Variants in PDZRN4 observed in about 807,000 individuals in gnomAD.
PDZRN4 encodes the protein PDZ domain-containing RING finger protein 4.
In PDZRN4, 70 loss-of-function variants were observed where a neutral mutation model predicts 99.0. That is an observed-to-expected ratio of 0.71 (90% CI 0.58 to 0.86). The LOEUF is 0.86. PDZRN4 is among the 40% of genes least tolerant of loss of function. The probability of loss-of-function intolerance (pLI) is 0.00; values close to 1 mark genes in which losing one functional copy is unlikely to be tolerated. For synonymous variants in PDZRN4, 551 were observed against 501.6 expected, an observed-to-expected ratio of 1.10 and a Z score of -1.32; for missense variants, 1,474 against 1,331.2, an observed-to-expected ratio of 1.11 and a Z score of -1.67.
At chr12:41,281,158 C>T (rs1416631592) in intron 3 of PDZRN4, among the ~76,000 whole-genome samples, 1 of 149,712 alleles carries the variant, frequency 6.7e-6, no homozygotes, top group African/African-American at 2.4e-5. Context: ...AAACAGAAAG[C>T]AGTATCATCA....
At chr12:41,259,520 A>G (rs1014062097) in intron 3 of PDZRN4, among the ~76,000 whole-genome samples, 1 of 152,162 alleles carries the variant, frequency 6.6e-6, no homozygotes, top group Non-Finnish European at 1.5e-5. Flanking sequence ...GTTGGATGAA[A>G]TTAGACTGAG....
intron 3 of PDZRN4, among the ~76,000 whole-genome samples, chr12:41,350,893 A>G (rs1951885456): frequency 6.6e-6 from 1 of 152,122 alleles, no homozygotes; most frequent in African/African-American, 2.4e-5. Flanking sequence ...ACAGCAGTCA[A>G]TACCTCCCTA....
chr12:41,295,911 T>A (rs1951490364), intron 3 of PDZRN4, among the ~76,000 whole-genome samples: 1 of 152,164 alleles, frequency 6.6e-6, no homozygotes, highest in South Asian at 2.1e-4. Context: ...ATAACTTTTT[T>A]TCAAAACAGA....
intron 3 of PDZRN4, among the ~76,000 whole-genome samples, chr12:41,402,166 ATACACACTGAG>A (rs1952296243): frequency 8.6e-6 from 1 of 116,714 alleles, no homozygotes; most frequent in African/African-American, 3.4e-5. Flanking sequence ...ATATATATAT[ATACACACTGAG>A]TATATATATA....
At chr12:41,264,481 T>C (rs568601504) in intron 3 of PDZRN4, among the ~76,000 whole-genome samples, 1 of 152,316 alleles carries the variant, frequency 6.6e-6, no homozygotes, top group South Asian at 2.1e-4. Flanking sequence ...CAATATAATA[T>C]TGCTCTGAAG....
intron 5 of PDZRN4, among the ~76,000 whole-genome samples, chr12:41,514,974 A>G (rs963281830): frequency 1.3e-5 from 2 of 152,110 alleles, no homozygotes; most frequent in Non-Finnish European, 1.5e-5. Flanking sequence ...CATATTTGGT[A>G]TAAATTTGGC....
chr12:41,199,357 A>G (rs1212338615), intron 3 of PDZRN4, among the ~76,000 whole-genome samples: 2 of 152,198 alleles, frequency 1.3e-5, no homozygotes, highest in African/African-American at 4.8e-5. Context: ...TCAAAAAACA[A>G]TAGATGTTGG....
At chr12:41,244,101 T>C (rs576949187) in intron 3 of PDZRN4, among the ~76,000 whole-genome samples, 17 of 152,166 alleles carry the variant, frequency 1.1e-4, no homozygotes, top group Non-Finnish European at 2.2e-4. Flanking sequence ...CTAATAGACA[T>C]CTCAAATTCC....
chr12:41,488,792 A>G (rs748140071), intron 3 of PDZRN4, among the ~76,000 whole-genome samples: 5 of 152,222 alleles, frequency 3.3e-5, no homozygotes, highest in East Asian at 1.9e-4. Flanking sequence ...TCCATGAAAC[A>G]GAGGTGAAGC....
Position 41,415,128 on chromosome 12 carries a change from C to A in PDZRN4, c.844-91328C>A, listed in dbSNP as rs544532516. 5.6e-4 allele frequency among the ~76,000 whole-genome samples: 85 copies of A among 152,098 alleles called. 1 individual carries two copies. The highest frequency in any genetic ancestry group is 4.4e-3 in the South Asian group (21 of 4,818). Reference sequence around the variant, plus strand: ...GATCCTGTTTGTATATTAAAATATACCTCCATTGAGATGAGCCATAGAGAA... The same window carrying A: ...GATCCTGTTTGTATATTAAAATATAACTCCATTGAGATGAGCCATAGAGAA... On this transcript the variant is annotated intron_variant, in intron 3 of 9. Coordinates refer to ENST00000402685, the MANE Select transcript of PDZRN4 (RefSeq NM_001164595.2).
chr12:41,448,307 T>TCCCTTATG (rs953041649), intron 3 of PDZRN4, among the ~76,000 whole-genome samples: 1 of 152,142 alleles, frequency 6.6e-6, no homozygotes, highest in Non-Finnish European at 1.5e-5. Flanking sequence ...CAACACAAAG[T>TCCCTTATG]CCCTTATGCC....
At chr12:41,241,503 A>T (rs191643800) in intron 3 of PDZRN4, among the ~76,000 whole-genome samples, 1 of 147,844 alleles carries the variant, frequency 6.8e-6, no homozygotes, top group African/African-American at 2.7e-5. Context: ...TTGTTCTACC[A>T]CATACTGGCC....
chr12:41,242,848 C>G (rs1202826323), intron 3 of PDZRN4, among the ~76,000 whole-genome samples: 1 of 152,130 alleles, frequency 6.6e-6, no homozygotes, highest in East Asian at 1.9e-4. Flanking sequence ...ATGCACTTAG[C>G]AAAAAATTGC....
chr12:41,271,817 T>C (rs1951316054), intron 3 of PDZRN4, among the ~76,000 whole-genome samples: 1 of 152,080 alleles, frequency 6.6e-6, no homozygotes. Context: ...CTATTACAAT[T>C]GCATTGAAAA....
intron 3 of PDZRN4, 48 bp from the exon 4 acceptor site, chr12:41,506,408 C>T (rs1288465945): frequency 2.0e-6 from 3 of 1,526,258 alleles, no homozygotes; most frequent in Non-Finnish European, 8.9e-7. Flanking sequence ...TCATGACAGC[C>T]TCTCTGATCT....
chr12:41,425,177 A>C (rs918532067), intron 3 of PDZRN4, among the ~76,000 whole-genome samples: 10 of 152,168 alleles, frequency 6.6e-5, no homozygotes, highest in Non-Finnish European at 1.5e-4. Flanking sequence ...GATTCCATTG[A>C]TTTGTTTTTA....
chr12:41,423,433 A>G (rs932182944), intron 3 of PDZRN4, among the ~76,000 whole-genome samples: 1 of 152,014 alleles, frequency 6.6e-6, no homozygotes, highest in Non-Finnish European at 1.5e-5. Flanking sequence ...TCTGAGAATG[A>G]TGGTTTCCAG....
intron 3 of PDZRN4, among the ~76,000 whole-genome samples, chr12:41,449,119 A>G (rs763835137): frequency 5.9e-5 from 9 of 152,120 alleles, no homozygotes; most frequent in Non-Finnish European, 1.3e-4. Context: ...ACACTAAGCT[A>G]TTCTTTCTTT....
chr12:41,572,934 G>T lies in PDZRN4; in HGVS notation c.2155G>T (p.Gly719Ter). Residue 719 changes from glycine (G) to a stop codon, truncating the protein, a stop_gained, in exon 10 of 10, where the codon GGA becomes TGA. Coordinates refer to ENST00000402685, the MANE Select transcript of PDZRN4 (RefSeq NM_001164595.2). LOFTEE classifies it high-confidence loss of function. ...TAACACCAGCATAGATATGCAAAGG[G>T]GAAAGCTAGATGACATCATGGAGCA... Reference protein sequence around the residue: ...NYNTSIDMQRGKLDDIMEHPE... With the variant: ...NYNTSIDMQR The T allele has an allele frequency of 6.2e-7, 1 of 1,614,066 alleles. No homozygotes were observed. The highest frequency in any genetic ancestry group is 2.2e-5 in the East Asian group (1 of 44,876).
Sources: allele counts gnomAD v4.1 joint callset (sites outside exome capture counted in the v4.1 genomes callset), GRCh38; gene constraint gnomAD v4.1.1; transcripts MANE v1.5; gene names NCBI Gene and HGNC (gene_info 2026-07-23, HGNC 2026-07-21).